Variants in RETSAT observed in about 807,000 individuals in gnomAD.
RETSAT encodes the protein retinol saturase.
In RETSAT, 35 loss-of-function variants were observed where a neutral mutation model predicts 61.6. That is an observed-to-expected ratio of 0.57 (90% CI 0.43 to 0.75). The LOEUF is 0.75. RETSAT is among the 30% of genes least tolerant of loss of function. The pLI, the probability that RETSAT is intolerant of heterozygous loss-of-function variation, is 0.00. For synonymous variants in RETSAT, 277 were observed against 310.4 expected, an observed-to-expected ratio of 0.89 and a Z score of 1.13; for missense variants, 670 against 759.5, an observed-to-expected ratio of 0.88 and a Z score of 1.38.
intron 9 of RETSAT, 44 bp downstream of exon 9, chr2:85,343,955 A>G: frequency 6.2e-7 from 1 of 1,607,352 alleles, no homozygotes; most frequent in Non-Finnish European, 8.5e-7. Context: ...GGGCAGAAAC[A>G]GCACCGTGAG....
At chr2:85,345,818 A>C (rs1279316316) in intron 6 of RETSAT, 157 bp downstream of exon 6, 3 of 883,860 alleles carry the variant, frequency 3.4e-6, no homozygotes, top group Non-Finnish European at 5.7e-6. Context: ...TGCTAGGGTT[A>C]GGATGATGTT....
Position 85,342,942 on chromosome 2 carries a change from G to A in RETSAT, c.*300C>T. On this transcript the variant is annotated 3_prime_UTR_variant, in exon 11 of 11. Coordinates refer to ENST00000295802, the MANE Select transcript of RETSAT (RefSeq NM_017750.4). ...TTCGCTTTGATCACTGAGTTAGGAG[G>A]CATGGGTGAGGGATGCAGAGCGCCG... 1 of 319,940 alleles carries A rather than the reference G, an allele frequency of 3.1e-6. No homozygotes were observed. 19.8% of individuals were successfully genotyped at this position (319,940 alleles called of 1,614,324 possible).
rs1229244697 is a variant in RETSAT at position 85,343,180 on chromosome 2, G to A, written c.*62C>T. ...AGGAACTAATGCAGAAAGACATTAT[G>A]GGTAAGTCAAGGGAGATGCCCCAGC... On this transcript the variant is annotated 3_prime_UTR_variant, in exon 11 of 11. Transcript: ENST00000295802. 11 of 1,592,854 alleles carry A rather than the reference G, an allele frequency of 6.9e-6. No homozygotes were observed. Among genetic ancestry groups the A allele is most frequent in the East Asian group, 4.5e-5 (2 of 44,754 alleles).
Position 85,350,174 on chromosome 2 carries a change from A to G in RETSAT, c.665T>C (p.Leu222Pro), listed in dbSNP as rs1181929736. The stretch of plus-strand genomic sequence containing the variant: ...ACGAGTCAGCAGCCCACACCTGTCG[A>G]GGAGCTGAACCACGGGCAATGGGAG... ...KFLPLPVVQL[L>P]DRCGLLTRFS... The change falls in exon 4 of 11, where the codon CTC becomes CCC. Residue 222 changes from leucine (L) to proline (P), a missense_variant. Physicochemically the swap from Leu to Pro is moderately conservative, Grantham distance 98. Transcript: ENST00000295802. The G allele has an allele frequency of 6.2e-7, 1 of 1,613,860 alleles. No homozygotes were observed. The highest frequency in any genetic ancestry group is 8.5e-7 in the Non-Finnish European group (1 of 1,180,016).
chr2:85,344,423 T>A (rs1007979293), intron 7 of RETSAT, 75 bp from the exon 8 acceptor site: 3 of 1,547,228 alleles, frequency 1.9e-6, no homozygotes, highest in African/African-American at 2.7e-5. Context: ...AAGGACTGCT[T>A]ATCCCTAGGG....
In RETSAT at chr2:85,342,761, G is replaced by T. The variant is rs139022129; in HGVS notation, c.*481C>A. 581 of 153,760 alleles carry T rather than the reference G, an allele frequency of 3.8e-3. 1 individual carries two copies. The highest frequency in any genetic ancestry group is 0.021 in the Middle Eastern group (6 of 292). 9.5% of individuals were successfully genotyped at this position (153,760 alleles called of 1,614,324 possible). A position where few individuals can be genotyped will look rare whatever the true frequency, so the allele number is the denominator to read the frequency against. On this transcript the variant is annotated 3_prime_UTR_variant, in exon 11 of 11. Coordinates refer to ENST00000295802, the MANE Select transcript of RETSAT (RefSeq NM_017750.4). ...GAATGGCAACCAAAACCACGCCCAG[G>T]TTTTGAGTTAAGCCTCATTAGTCTC...
chr2:85,349,701 T>C, intron 4 of RETSAT, 120 bp from the exon 5 acceptor site: 1 of 902,026 alleles, frequency 1.1e-6, no homozygotes. Flanking sequence ...CACATGTTCC[T>C]CAGGGTCCAA....
chr2:85,349,584 G>A lies in RETSAT; in HGVS notation c.800-3C>T. 6.2e-7 allele frequency: 1 copy of A among 1,613,756 alleles called. No homozygotes were observed. Among genetic ancestry groups the A allele is most frequent in the South Asian group, 1.1e-5 (1 of 91,082 alleles). The stretch of plus-strand genomic sequence containing the variant: ...GGCACTGTGGTTGGGGGTGACACCT[G>A]CAGAAGCAAGGAAGGGTGGTGAGCT... On this transcript the variant is annotated splice_polypyrimidine_tract_variant and splice_region_variant and intron_variant, in intron 4 of 10. Coordinates refer to ENST00000295802, the MANE Select transcript of RETSAT (RefSeq NM_017750.4).
chr2:85,341,960 T>A lies in RETSAT; in HGVS notation c.*1282A>T, dbSNP rs1683097858. ...GGCGCAGACCCCACTTTTTGTAACT[T>A]TATAATTACTTAATTTTATTTTTTT... On this transcript the variant is annotated 3_prime_UTR_variant, in exon 11 of 11. Coordinates refer to ENST00000295802, the MANE Select transcript of RETSAT (RefSeq NM_017750.4). The A allele has an allele frequency of 1.6e-6, 1 of 626,738 alleles. No individual in the cohort carries two copies. The highest frequency in any genetic ancestry group is 2.7e-6 in the Non-Finnish European group (1 of 368,320). 38.8% of individuals were successfully genotyped at this position (626,738 alleles called of 1,614,324 possible).
intron 5 of RETSAT, among the ~76,000 whole-genome samples, chr2:85,347,879 C>G (rs903303707): frequency 2.6e-5 from 4 of 152,210 alleles, no homozygotes; most frequent in Non-Finnish European, 5.9e-5. Context: ...TGGATTCTCT[C>G]AGATCACTGA....
rs1358644174 is a variant in RETSAT at position 85,344,303 on chromosome 2, G to A, written c.1302C>T (p.His434=). The change falls in exon 8 of 11, where the codon CAC becomes CAT. Residue 434 remains histidine, a synonymous_variant. Transcript: ENST00000295802. ...GGAAAGCGAAGAAGAGAAGAGGGAT[G>A]TGTTCCGCAGCCTCTTCCCTGGGCA... The part of the protein sequence containing the change: ...VSMPREEAAE[H]IPLLFFAFPS... 2 of 1,614,140 alleles carry A rather than the reference G, an allele frequency of 1.2e-6. No homozygotes were observed. Among genetic ancestry groups the A allele is most frequent in the Admixed American group, 3.3e-5 (2 of 60,016 alleles).
intron 3 of RETSAT, among the ~76,000 whole-genome samples, chr2:85,350,481 G>A (rs1227087509): frequency 6.6e-6 from 1 of 151,998 alleles, no homozygotes; most frequent in East Asian, 1.9e-4. Flanking sequence ...TCCCAATCTG[G>A]TCTCGGATGC....
In RETSAT at chr2:85,344,701, G is replaced by A. The variant is rs543321418; in HGVS notation, c.1149C>T (p.Pro383=). ...TGAAAACAGAGGTCATGCCTAAGCC[G>A]GGCCGCACCGTCCCCAGTTGCTGCT... ...GVKQQLGTVR[P]GLGMTSVFIC... is the part of the protein sequence containing the mutation. The change falls in exon 7 of 11, where the codon CCC becomes CCT. Residue 383 remains proline, a synonymous_variant. Transcript: ENST00000295802. 2.6e-5 allele frequency: 42 copies of A among 1,614,134 alleles called. No individual in the cohort carries two copies. Among genetic ancestry groups the A allele is most frequent in the East Asian group, 1.6e-4 (7 of 44,864 alleles).
chr2:85,345,150 G>C (rs555638860), intron 6 of RETSAT, among the ~76,000 whole-genome samples: 26 of 152,290 alleles, frequency 1.7e-4, no homozygotes, highest in African/African-American at 6.3e-4. Flanking sequence ...CACCCCTTCA[G>C]CTCCTGAGAG....
rs1360543461 is a variant in RETSAT at position 85,344,040 on chromosome 2, T to C, written c.1492A>G (p.Met498Val). Reference sequence around the variant, plus strand: ...GGGAACAGTTTCAGGACCACTGACATAGAGGCTTCCACAAAGGAGTTTTTG... The same window carrying C: ...GGGAACAGTTTCAGGACCACTGACACAGAGGCTTCCACAAAGGAGTTTTTG... ...TFKNSFVEAS[M>V]SVVLKLFPQL... Residue 498 changes from methionine (M) to valine (V), a missense_variant, in exon 9 of 11, where the codon ATG becomes GTG. Coordinates refer to ENST00000295802, the MANE Select transcript of RETSAT (RefSeq NM_017750.4). The C allele has an allele frequency of 1.9e-6, 3 of 1,614,070 alleles. No individual in the cohort carries two copies. Among genetic ancestry groups the C allele is most frequent in the East Asian group, 2.2e-5 (1 of 44,880 alleles).
At position 85,341,993 on chromosome 2, in the gene RETSAT, A is replaced by G. The variant is rs1277707646; in HGVS notation, c.*1249T>C. The G allele has an allele frequency of 1.2e-5, 7 of 589,256 alleles. No homozygotes were observed. The East Asian group carries it at 2.0e-4, about 17-fold the overall frequency. 36.5% of individuals were successfully genotyped at this position (589,256 alleles called of 1,614,324 possible). A position where few individuals can be genotyped will look rare whatever the true frequency, so the allele number is the denominator to read the frequency against. On this transcript the variant is annotated 3_prime_UTR_variant, in exon 11 of 11. Transcript: ENST00000295802. ...ACTTAATTTTATTTTTTTAAAGCTT[A>G]TTTTGGTGTTATTCAGTATATAGTG...
chr2:85,351,736 G>GTA lies in RETSAT; in HGVS notation c.297_298dup (p.Thr100IlefsTer97). On this transcript the variant is annotated frameshift_variant, in exon 2 of 11. Transcript: ENST00000295802. LOFTEE classifies it high-confidence loss of function. The stretch of plus-strand genomic sequence containing the variant: ...GGTATGACAGCAGCCCCCTGCCTTG[G>GTA]TATGTTGTTCCAGCACCAGGACTCG... 1.2e-6 allele frequency: 2 copies of GTA among 1,614,134 alleles called. No individual in the cohort carries two copies. The highest frequency in any genetic ancestry group is 1.6e-4 in the Middle Eastern group (1 of 6,062).
chr2:85,352,401 G>A (rs1200708266), intron 1 of RETSAT, among the ~76,000 whole-genome samples: 4 of 151,782 alleles, frequency 2.6e-5, no homozygotes, highest in Admixed American at 1.3e-4. Flanking sequence ...CCACCACCAC[G>A]CCCGGCTAAT....
In RETSAT at chr2:85,344,309, C is replaced by T. The variant is rs73945707; in HGVS notation, c.1296G>A (p.Ala432=). Residue 432 remains alanine, a synonymous_variant, in exon 8 of 11, where the codon GCG becomes GCA. Transcript: ENST00000295802. ...CGAAGAAGAGAAGAGGGATGTGTTC[C>T]GCAGCCTCTTCCCTGGGCATGGAGA... ...RYVSMPREEA[A]EHIPLLFFAF... The T allele has an allele frequency of 4.3e-3, 6,909 of 1,614,018 alleles. 226 individuals carry two copies. In the African/African-American group the frequency reaches 0.078, roughly 18 times the overall value.
Sources: gnomAD v4.1 joint callset for allele counts (sites outside exome capture counted in the v4.1 genomes callset) on GRCh38, gnomAD v4.1.1 for gene constraint, MANE v1.5 for transcripts, NCBI Gene and HGNC (gene_info 2026-07-23, HGNC 2026-07-21) for gene names.